CABP1: variants seen among roughly 807,000 people sequenced by gnomAD.
CABP1 encodes the protein calcium-binding protein 1.
Under a neutral mutation model 34.3 loss-of-function variants are expected in CABP1, and 17 were observed. The ratio of observed to expected loss-of-function variants is 0.50; its 90% CI spans 0.34 to 0.74. CABP1 has a LOEUF of 0.74. Ranked by LOEUF, CABP1 falls within the 30% of genes least tolerant of loss-of-function variation. CABP1 has a pLI of 0.01. For missense variants in CABP1, 373 were observed against 511.1 expected (o/e 0.73, Z 2.61); for synonymous variants, 198 against 229.2 (o/e 0.86, Z 1.23).
At chr12:120,644,212 C>T (rs1351275187) in intron 1 of CABP1, among the ~76,000 whole-genome samples, 1 of 152,170 alleles carries the variant, frequency 6.6e-6, no homozygotes, top group Non-Finnish European at 1.5e-5. Context: ...ACAAAAACTG[C>T]TTTGCAGTTA....
downstream of CABP1, among the ~76,000 whole-genome samples, chr12:120,669,627 G>T (rs1241715282): frequency 6.6e-6 from 1 of 152,202 alleles, no homozygotes; most frequent in Non-Finnish European, 1.5e-5. Context: ...AGTGGGGCAT[G>T]ACTGTAATCT....
chr12:120,646,633 C>T (rs573017128), intron 1 of CABP1, among the ~76,000 whole-genome samples: 3 of 152,302 alleles, frequency 2.0e-5, no homozygotes, highest in African/African-American at 7.2e-5. Flanking sequence ...CCTGCCCTAG[C>T]CTCCTGAGTA....
intron 1 of CABP1, among the ~76,000 whole-genome samples, chr12:120,658,332 A>G (rs1002829718): frequency 1.3e-5 from 2 of 152,066 alleles, no homozygotes; most frequent in Non-Finnish European, 2.9e-5. Flanking sequence ...TCCTGGCTTC[A>G]AGTGATCCCC....
chr12:120,642,068 G>A (rs1879358437), intron 1 of CABP1, among the ~76,000 whole-genome samples: 1 of 152,116 alleles, frequency 6.6e-6, no homozygotes, highest in Non-Finnish European at 1.5e-5. Context: ...CCCTTTAAAA[G>A]CAGCTCCGTA....
chr12:120,665,087 G>A (rs1880885775), intron 5 of CABP1, among the ~76,000 whole-genome samples: 1 of 151,888 alleles, frequency 6.6e-6, no homozygotes, highest in Admixed American at 6.6e-5. Context: ...GGGAGGGAGG[G>A]ATGAATAGGC....
chr12:120,650,764 G>A (rs1879794336), intron 1 of CABP1: 2 of 1,433,784 alleles, frequency 1.4e-6, no homozygotes, highest in African/African-American at 2.8e-5. Flanking sequence ...GCACAGAAAG[G>A]GTGGCTGGAG....
chr12:120,655,818 A>AGTGC (rs201880849), intron 1 of CABP1: 43 of 1,496,980 alleles, frequency 2.9e-5, no homozygotes, highest in Non-Finnish European at 3.5e-5. Flanking sequence ...TGTATGTGCC[A>AGTGC]GTGCGTGCGT....
chr12:120,643,161 C>T (rs528143800), intron 1 of CABP1, among the ~76,000 whole-genome samples: 3 of 152,304 alleles, frequency 2.0e-5, no homozygotes, highest in African/African-American at 7.2e-5. Context: ...TCACCAGGGT[C>T]ACCTGAGTCA....
At chr12:120,652,529 C>A (rs1021174591) in intron 1 of CABP1, among the ~76,000 whole-genome samples, 1 of 152,134 alleles carries the variant, frequency 6.6e-6, no homozygotes, top group Non-Finnish European at 1.5e-5. Context: ...GGGATTTAAA[C>A]CCTGGTCTGT....
downstream of CABP1, among the ~76,000 whole-genome samples, chr12:120,670,830 T>C (rs1247673690): frequency 6.6e-6 from 1 of 152,158 alleles, no homozygotes; most frequent in Non-Finnish European, 1.5e-5. Flanking sequence ...AAAGGCCAAT[T>C]TGTCTGCTCA....
intron 5 of CABP1, 121 bp from the exon 6 acceptor site, chr12:120,666,754 C>T (rs571241803): frequency 2.2e-5 from 24 of 1,074,504 alleles, no homozygotes; most frequent in African/African-American, 3.1e-5. Context: ...TTGGAGAGGG[C>T]GGAATGGATG....
chr12:120,672,059 C>A (rs921759078), downstream of CABP1, among the ~76,000 whole-genome samples: 1 of 152,012 alleles, frequency 6.6e-6, no homozygotes, highest in East Asian at 1.9e-4. Context: ...CCGAGCGAGA[C>A]CCCATCTCAA....
At chr12:120,651,865 A>G (rs11065188) in intron 1 of CABP1, among the ~76,000 whole-genome samples, 1 of 152,184 alleles carries the variant, frequency 6.6e-6, no homozygotes, top group Non-Finnish European at 1.5e-5. Context: ...AGTCTTCTGC[A>G]TCGGAAGTGC....
chr12:120,660,976 G>C lies in CABP1; in HGVS notation c.940-95G>C, dbSNP rs971995598. 2 of 1,464,166 alleles carry C rather than the reference G, an allele frequency of 1.4e-6. No individual in the cohort carries two copies. The highest frequency in any genetic ancestry group is 9.4e-7 in the Non-Finnish European group (1 of 1,062,956). 90.7% of individuals were successfully genotyped at this position (1,464,166 alleles called of 1,614,324 possible). A position where few individuals can be genotyped will look rare whatever the true frequency, so the allele number is the denominator to read the frequency against. ...GACAGAGAAAGGTCTCTGGTAAAGG[G>C]GGGCAATGACACTGGAGAAGGAGCT... is the stretch of plus-strand genomic sequence containing the variant. On this transcript the variant is annotated intron_variant, in intron 4 of 5. Coordinates refer to ENST00000316803, the MANE Select transcript of CABP1 (RefSeq NM_001033677.2). The surrounding 1 kb of genome is among the most constrained non-coding windows in gnomAD (Gnocchi z 5.0).
chr12:120,650,532 A>G (rs1161312328), intron 1 of CABP1: 3 of 1,599,370 alleles, frequency 1.9e-6, no homozygotes, highest in South Asian at 2.2e-5. Context: ...AACGGCACAG[A>G]CGGAGGGAGG....
the CABP1 span, among the ~76,000 whole-genome samples, chr12:120,678,842 G>C: frequency 7.1e-3 from 1,073 of 152,150 alleles, 11 homozygotes; most frequent in Middle Eastern, 0.051. Flanking sequence ...GATGCTGAGG[G>C]GGGGGCAGAT....
downstream of CABP1, among the ~76,000 whole-genome samples, chr12:120,667,725 G>T (rs7313642): frequency 0.28 from 43,300 of 152,060 alleles, 7,347 homozygotes; most frequent in African/African-American, 0.48. Flanking sequence ...TGATCTCAAG[G>T]GATCTGCCTG....
At chr12:120,668,268 C>G (rs547929496), downstream of CABP1, among the ~76,000 whole-genome samples, 1 of 152,110 alleles carries the variant, frequency 6.6e-6, no homozygotes, top group African/African-American at 2.4e-5. Context: ...GAGGCTGAGG[C>G]GGGAGGATCA....
In CABP1 at chr12:120,641,230, G is replaced by A. The variant is rs1879306196; in HGVS notation, c.545G>A (p.Arg182Gln). 1.6e-6 allele frequency: 2 copies of A among 1,257,226 alleles called. No homozygotes were observed. Among genetic ancestry groups the A allele is most frequent in the South Asian group, 2.7e-5 (1 of 37,304 alleles). 77.9% of individuals were successfully genotyped at this position (1,257,226 alleles called of 1,614,324 possible). ...ERGLSPALGL[R>Q]GSLRARGRGD... ...GGACTGTCCCCGGCGCTCGGCCTCCGGGGCTCTCTGCGAGCCCGGGGCCGC... is the reference window on the plus strand; with the variant it reads ...GGACTGTCCCCGGCGCTCGGCCTCCAGGGCTCTCTGCGAGCCCGGGGCCGC... Residue 182 changes from arginine to glutamine, a missense_variant, in exon 1 of 6, where the codon CGG becomes CAG. By Grantham distance (43) the Arg-to-Gln change is conservative (BLOSUM62 1). Coordinates refer to ENST00000316803, the MANE Select transcript of CABP1 (RefSeq NM_001033677.2). This position sits in a 1 kb window ranked among gnomAD's most constrained non-coding sequence, Gnocchi z 6.7.
Sources: gnomAD v4.1 joint callset for allele counts (sites outside exome capture counted in the v4.1 genomes callset) on GRCh38, gnomAD v4.1.1 for gene constraint, Gnocchi (gnomAD v3.1) non-coding constraint, MANE v1.5 for transcripts, NCBI Gene and HGNC (gene_info 2026-07-23, HGNC 2026-07-21) for gene names.